The following CAPN13 variants were observed in gnomAD, a reference collection of about 807,000 sequenced individuals.
CAPN13 encodes the protein calpain 13, also known as calpain-13.
CAPN13 carries 90 observed loss-of-function variants against 98.4 expected under a neutral mutation model. The ratio of observed to expected loss-of-function variants is 0.92; its 90% CI spans 0.77 to 1.09. CAPN13 has a LOEUF of 1.09. CAPN13 is among the 50% of genes least tolerant of loss of function. CAPN13 has a pLI of 0.00. For synonymous variants in CAPN13, 330 were observed against 305.5 expected, an observed-to-expected ratio of 1.08 and a Z score of -0.84; for missense variants, 887 against 841.3, an observed-to-expected ratio of 1.05 and a Z score of -0.67.
At chr2:30,741,741 T>G in intron 15 of CAPN13, 167 bp downstream of exon 15, 1 of 1,467,498 alleles carries the variant, frequency 6.8e-7, no homozygotes. Flanking sequence ...CTACCGAGCT[T>G]GGCAGCCACA....
At chr2:30,771,676 C>A (rs2148039905) in intron 4 of CAPN13, among the ~76,000 whole-genome samples, 1 of 152,304 alleles carries the variant, frequency 6.6e-6, no homozygotes, top group East Asian at 1.9e-4. Flanking sequence ...ACCAAAAGGA[C>A]AACCTGGATT....
intron 1 of CAPN13, among the ~76,000 whole-genome samples, chr2:30,788,378 G>A (rs1475508602): frequency 6.6e-6 from 1 of 152,190 alleles, no homozygotes; most frequent in Non-Finnish European, 1.5e-5. Context: ...GGAAGGCTGA[G>A]GTTTCTTGTT....
At chr2:30,801,520 G>A (rs538150134) in intron 1 of CAPN13, among the ~76,000 whole-genome samples, 3 of 150,190 alleles carry the variant, frequency 2.0e-5, no homozygotes, top group Admixed American at 6.7e-5. Context: ...CTGGAGAATC[G>A]CTTGAACCCG....
intron 1 of CAPN13, among the ~76,000 whole-genome samples, chr2:30,797,645 G>A (rs1674955040): frequency 6.6e-6 from 1 of 152,160 alleles, no homozygotes; most frequent in Admixed American, 6.5e-5. Flanking sequence ...CCCTGAACTT[G>A]AGCCCAGTGA....
intron 1 of CAPN13, among the ~76,000 whole-genome samples, chr2:30,787,600 T>C (rs1475375194): frequency 6.6e-6 from 1 of 152,192 alleles, no homozygotes; most frequent in Non-Finnish European, 1.5e-5. Context: ...CACAAGAGGC[T>C]ATGGGGTACT....
At chr2:30,744,858 A>G (rs998693724) in intron 12 of CAPN13, among the ~76,000 whole-genome samples, 1 of 152,122 alleles carries the variant, frequency 6.6e-6, no homozygotes, top group African/African-American at 2.4e-5. Flanking sequence ...ATTAAGTGCC[A>G]CTTTGTTCTC....
intron 2 of CAPN13, among the ~76,000 whole-genome samples, chr2:30,779,879 C>T (rs1163800767): frequency 6.6e-6 from 1 of 151,980 alleles, no homozygotes; most frequent in African/African-American, 2.4e-5. Context: ...ATGGCAAAAA[C>T]CACAATTACT....
intron 7 of CAPN13, among the ~76,000 whole-genome samples, chr2:30,759,535 C>T (rs1333575745): frequency 6.6e-6 from 1 of 152,214 alleles, no homozygotes; most frequent in Non-Finnish European, 1.5e-5. Context: ...GGCGAACTTG[C>T]TCCATGATTC....
chr2:30,805,432 C>T (rs1234207877), intron 1 of CAPN13, among the ~76,000 whole-genome samples: 1 of 152,128 alleles, frequency 6.6e-6, no homozygotes, highest in Non-Finnish European at 1.5e-5. Context: ...ACCTTAAGTG[C>T]TAAGTAGCAC....
At position 30,742,430 on chromosome 2, in the gene CAPN13, C is replaced by A. The variant is rs1045331096; in HGVS notation, c.1446-71G>T. The A allele has an allele frequency of 2.6e-6, 4 of 1,526,390 alleles. No individual in the cohort carries two copies. In the African/African-American group the frequency reaches 5.5e-5, roughly 21 times the overall value. 94.6% of individuals were successfully genotyped at this position (1,526,390 alleles called of 1,614,324 possible). On this transcript the variant is annotated intron_variant, in intron 13 of 22. Coordinates refer to ENST00000295055, the MANE Select transcript of CAPN13 (RefSeq NM_144575.3). ...TCAAAGGGGGCCTGCATATAGAGGG[C>A]ACCCAGGTGGCACTGGATATTGATG...
rs139670570 is a variant in CAPN13 at position 30,802,885 on chromosome 2, C to T, written c.-33+4417G>A. Among the ~76,000 whole-genome samples the T allele has an allele frequency of 4.7e-4, 72 of 152,292 alleles. No individual in the cohort carries two copies. The East Asian group carries it at 8.7e-3, about 18-fold the overall frequency. On this transcript the variant is annotated intron_variant, in intron 1 of 22. Transcript: ENST00000295055. ...GGCAGGGAGCTGTGGGGAATCCCCA[C>T]GCCCACCTAGGGCAGGTGACCTGGC...
At chr2:30,759,928 C>T (rs1441067657) in intron 7 of CAPN13, among the ~76,000 whole-genome samples, 1 of 152,146 alleles carries the variant, frequency 6.6e-6, no homozygotes, top group South Asian at 2.1e-4. Context: ...TCGGATAAGG[C>T]TCTTTTCTGT....
At chr2:30,759,163 C>G (rs1186843011) in intron 7 of CAPN13, among the ~76,000 whole-genome samples, 1 of 148,278 alleles carries the variant, frequency 6.7e-6, no homozygotes, top group African/African-American at 2.5e-5. Context: ...TTTTTCCTCC[C>G]TCCCTCGTTT....
chr2:30,781,631 T>C (rs1303723550), intron 2 of CAPN13, among the ~76,000 whole-genome samples: 1 of 152,198 alleles, frequency 6.6e-6, no homozygotes, highest in Admixed American at 6.5e-5. Flanking sequence ...TTCCTGTCCT[T>C]GGACAGGGAA....
chr2:30,732,742 T>C (rs1048477811), intron 19 of CAPN13, among the ~76,000 whole-genome samples, 176 bp from the exon 20 acceptor site: 1 of 152,174 alleles, frequency 6.6e-6, no homozygotes, highest in Non-Finnish European at 1.5e-5. Flanking sequence ...CCCAGGAACC[T>C]AGTTCTGGAG....
intron 11 of CAPN13, among the ~76,000 whole-genome samples, chr2:30,746,126 C>T (rs188607889): frequency 1.6e-3 from 244 of 152,080 alleles, no homozygotes; most frequent in East Asian, 7.9e-3. Context: ...CTTGAACTCC[C>T]GACCTCAGGA....
intron 9 of CAPN13, 111 bp downstream of exon 9, chr2:30,754,179 G>T: frequency 1.2e-6 from 1 of 802,870 alleles, no homozygotes; most frequent in Non-Finnish European, 1.8e-6. Context: ...CCTCTAAACA[G>T]GTCTCTGCAA....
At chr2:30,734,419 G>C in intron 19 of CAPN13, 30 bp downstream of exon 19, 1 of 1,591,756 alleles carries the variant, frequency 6.3e-7, no homozygotes, top group Admixed American at 1.7e-5. Context: ...CCGGACCTTG[G>C]GCACCACAGC....
Position 30,764,135 on chromosome 2 carries a change from A to C in CAPN13, c.696T>G (p.Ser232Arg). 1 of 1,565,906 alleles carries C rather than the reference A, an allele frequency of 6.4e-7. No homozygotes were observed. Among genetic ancestry groups the C allele is most frequent in the South Asian group, 1.2e-5 (1 of 85,016 alleles). Residue 232 changes from serine (S) to arginine (R), a missense_variant, in exon 6 of 23, where the codon AGT becomes AGG. Coordinates refer to ENST00000295055, the MANE Select transcript of CAPN13 (RefSeq NM_144575.3). ...AAAGGGCTCCCCAGTGACTTACCCC[A>C]CTTGGAGTGGCACAGGTTATCAGGG... ...AGSLITCATP[S>R]GPTDTAQAME...
Sources: gnomAD v4.1 joint callset for allele counts (sites outside exome capture counted in the v4.1 genomes callset) on GRCh38, gnomAD v4.1.1 for gene constraint, MANE v1.5 for transcripts, NCBI Gene and HGNC (gene_info 2026-07-23, HGNC 2026-07-21) for gene names.